Variants in TNR observed in about 807,000 individuals in gnomAD.
TNR encodes tenascin R.
In TNR, 45 loss-of-function variants were observed where a neutral mutation model predicts 150.4. The ratio of observed to expected loss-of-function variants is 0.30; its 90% CI spans 0.24 to 0.38. The LOEUF is 0.38. TNR is among the 10% of genes least tolerant of loss of function. TNR has a pLI of 1.00. For synonymous variants in TNR, 687 were observed against 678.4 expected, an observed-to-expected ratio of 1.01 and a Z score of -0.20; for missense variants, 1,544 against 1,759.1, an observed-to-expected ratio of 0.88 and a Z score of 2.19.
chr1:175,354,634 G>T, intron 17 of TNR, 111 bp from the exon 18 acceptor site: 2 of 1,383,760 alleles, frequency 1.4e-6, no homozygotes, highest in Non-Finnish European at 2.0e-6. Context: ...GTATTGCAAT[G>T]GCCATTGTCA....
At chr1:175,572,682 T>C (rs1048495795) in intron 1 of TNR, among the ~76,000 whole-genome samples, 2 of 151,490 alleles carry the variant, frequency 1.3e-5, no homozygotes, top group African/African-American at 2.4e-5. Context: ...TAATTACATG[T>C]AACAGAATAA....
At chr1:175,522,337 A>C (rs1659670536) in intron 2 of TNR, among the ~76,000 whole-genome samples, 1 of 152,208 alleles carries the variant, frequency 6.6e-6, no homozygotes, top group South Asian at 2.1e-4. Flanking sequence ...CTCACTCATA[A>C]GTGGGAGCTA....
At chr1:175,389,367 AG>A (rs1653071592) in intron 7 of TNR, among the ~76,000 whole-genome samples, 1 of 152,210 alleles carries the variant, frequency 6.6e-6, no homozygotes, top group African/African-American at 2.4e-5. Flanking sequence ...AAACCTAGAA[AG>A]GTAACTTTTT....
intron 2 of TNR, among the ~76,000 whole-genome samples, chr1:175,471,231 C>T (rs1019424749): frequency 3.3e-5 from 5 of 152,202 alleles, no homozygotes; most frequent in African/African-American, 1.2e-4. Context: ...GTGCTTGTTG[C>T]ATCACAGCTT....
At chr1:175,561,132 C>T (rs1234815714) in intron 1 of TNR, among the ~76,000 whole-genome samples, 1 of 152,160 alleles carries the variant, frequency 6.6e-6, no homozygotes, top group Non-Finnish European at 1.5e-5. Context: ...TGAGTGTTAG[C>T]CTGTCTGGCA....
At chr1:175,537,718 G>A (rs1454779037) in intron 1 of TNR, among the ~76,000 whole-genome samples, 1 of 152,198 alleles carries the variant, frequency 6.6e-6, no homozygotes, top group African/African-American at 2.4e-5. Context: ...AAACCCTTCT[G>A]TATCCCCATC....
At chr1:175,537,297 G>T (rs891622847) in intron 1 of TNR, among the ~76,000 whole-genome samples, 1 of 152,204 alleles carries the variant, frequency 6.6e-6, no homozygotes, top group Non-Finnish European at 1.5e-5. Context: ...ATGAAGGAGA[G>T]TTCTGGTCCT....
chr1:175,652,649 T>A (rs1428522467), intron 1 of TNR, among the ~76,000 whole-genome samples: 1 of 152,080 alleles, frequency 6.6e-6, no homozygotes, highest in Non-Finnish European at 1.5e-5. Flanking sequence ...CCCCGTTAGC[T>A]CTCTCCCTCC....
intron 1 of TNR, among the ~76,000 whole-genome samples, chr1:175,533,885 C>T (rs1010794832): frequency 1.6e-4 from 24 of 152,082 alleles, no homozygotes; most frequent in Non-Finnish European, 3.4e-4. Context: ...CATGGGGTTG[C>T]AGGGTCCCTC....
chr1:175,359,837 CT>C, intron 14 of TNR, 106 bp from the exon 15 acceptor site: 2 of 1,384,674 alleles, frequency 1.4e-6, no homozygotes, highest in Non-Finnish European at 1.9e-6. Context: ...CTGCTGCACT[CT>C]ACAAAACAAA....
In TNR at chr1:175,698,274, TAG is replaced by T. The variant is rs1455415848; in HGVS notation, c.-165+44950_-165+44951del. ...AATGCACTGAGCAGGTTACAGAGGATAGAGTGCTGGGGTGGGGAAAGTCTTTG... is the reference window on the plus strand; with the variant it reads ...AATGCACTGAGCAGGTTACAGAGGATAGTGCTGGGGTGGGGAAAGTCTTTG... On this transcript the variant is annotated intron_variant, in intron 1 of 22. Coordinates refer to ENST00000367674, the MANE Select transcript of TNR (RefSeq NM_003285.3). Among the ~76,000 whole-genome samples, 106 of 152,252 alleles carry T rather than the reference TAG, an allele frequency of 7.0e-4. 1 individual carries two copies. The highest frequency in any genetic ancestry group is 5.2e-4 in the Admixed American group (8 of 15,300).
chr1:175,578,216 G>A (rs1450935381), intron 1 of TNR, among the ~76,000 whole-genome samples: 1 of 152,072 alleles, frequency 6.6e-6, no homozygotes, highest in Non-Finnish European at 1.5e-5. Context: ...GGTGGAGCGG[G>A]CAGGCCTGCC....
intron 2 of TNR, among the ~76,000 whole-genome samples, chr1:175,428,257 A>G (rs1329025432): frequency 2.0e-5 from 3 of 152,150 alleles, no homozygotes; most frequent in Admixed American, 6.5e-5. Flanking sequence ...TTTGTCCTTA[A>G]TGGTCTTCCT....
chr1:175,537,894 C>T (rs141560778), intron 1 of TNR, among the ~76,000 whole-genome samples: 6 of 152,236 alleles, frequency 3.9e-5, no homozygotes, highest in Non-Finnish European at 8.8e-5. Flanking sequence ...TGGTGGGGGG[C>T]GGTTCCAGTC....
At chr1:175,683,376 C>T (rs1256007028) in intron 1 of TNR, among the ~76,000 whole-genome samples, 5 of 152,212 alleles carry the variant, frequency 3.3e-5, no homozygotes, top group African/African-American at 4.8e-5. Flanking sequence ...CAAATTTAGT[C>T]TGGATGTGAC....
chr1:175,432,019 C>G (rs1350969956), intron 2 of TNR, among the ~76,000 whole-genome samples: 4 of 149,666 alleles, frequency 2.7e-5, no homozygotes, highest in Non-Finnish European at 4.4e-5. Flanking sequence ...CCCCAGCTGG[C>G]AAGATATAAG....
chr1:175,741,850 G>T (rs1667939153), intron 1 of TNR, among the ~76,000 whole-genome samples: 1 of 152,136 alleles, frequency 6.6e-6, no homozygotes, highest in Non-Finnish European at 1.5e-5. Context: ...GTCCATTTGG[G>T]GTTGGAAAGA....
chr1:175,620,835 G>GA lies in TNR; in HGVS notation c.-164-92467dup, dbSNP rs34205044. ...GATCTCAAATGAGTTTGTGTGAGTA[G>GA]AAAAAAAAAAGAGAGAGAGAAGCTT... is the stretch of plus-strand genomic sequence containing the variant. On this transcript the variant is annotated intron_variant, in intron 1 of 22. Coordinates refer to ENST00000367674, the MANE Select transcript of TNR (RefSeq NM_003285.3). Among the ~76,000 whole-genome samples the GA allele has an allele frequency of 5.9e-3, 876 of 148,046 alleles. 3 individuals carry two copies. The highest frequency in any genetic ancestry group is 9.5e-3 in the Non-Finnish European group (636 of 66,792).
intron 1 of TNR, among the ~76,000 whole-genome samples, chr1:175,671,860 G>C (rs1288572395): frequency 1.3e-5 from 2 of 151,670 alleles, no homozygotes; most frequent in Non-Finnish European, 2.9e-5. Flanking sequence ...GCTGGCACCT[G>C]TAGGCCCTGC....
Sources: allele counts gnomAD v4.1 joint callset (sites outside exome capture counted in the v4.1 genomes callset), GRCh38; gene constraint gnomAD v4.1.1; transcripts MANE v1.5; gene names NCBI Gene and HGNC (gene_info 2026-07-23, HGNC 2026-07-21).